Variants in EIF4E2 observed in about 807,000 individuals in gnomAD.
EIF4E2 encodes eukaryotic translation initiation factor 4E family member 2.
In EIF4E2, 13 loss-of-function variants were observed where a neutral mutation model predicts 34.2. The observed-to-expected ratio is 0.38, with a 90% confidence interval of 0.25 to 0.60. EIF4E2 has a LOEUF of 0.60. Among genes scored for constraint, EIF4E2 ranks in the 20% least tolerant of loss-of-function variants. The pLI, the probability that EIF4E2 is intolerant of heterozygous loss-of-function variation, is 0.62. For synonymous variants in EIF4E2, 100 were observed against 106.6 expected (o/e 0.94, Z 0.38); for missense variants, 222 against 315.1 (o/e 0.70, Z 2.24).
chr2:232,574,096 G>A (rs770680466), downstream of EIF4E2: 16 of 757,100 alleles, frequency 2.1e-5, no homozygotes, highest in Admixed American at 6.0e-5. Flanking sequence ...TCTGCTCCTC[G>A]GAAAGGAAAG....
Position 232,552,860 on chromosome 2 carries a change from G to GC in EIF4E2, c.20+2120dup, listed in dbSNP as rs1415881673. 2.0e-5 allele frequency among the ~76,000 whole-genome samples: 3 copies of GC among 152,064 alleles called. No homozygotes were observed. In the South Asian group the frequency reaches 6.2e-4, roughly 32 times the overall value. ...ATTAGCAGTTGAAAACAGCACTCCT[G>GC]CCCCTAGTTTTATTTTTTTATGTTG... On this transcript the variant is annotated intron_variant, in intron 1 of 6. Coordinates refer to ENST00000258416, the MANE Select transcript of EIF4E2 (RefSeq NM_004846.4).
intron 3 of EIF4E2, among the ~76,000 whole-genome samples, chr2:232,561,728 G>C (rs1484478482): frequency 6.6e-6 from 1 of 152,172 alleles, no homozygotes; most frequent in Admixed American, 6.5e-5. Context: ...CACTAGACTT[G>C]GTAATCAGAG....
At chr2:232,576,793 G>A (rs1217969121) in intron 6 of EIF4E2, among the ~76,000 whole-genome samples, 1 of 152,172 alleles carries the variant, frequency 6.6e-6, no homozygotes, top group Non-Finnish European at 1.5e-5. Flanking sequence ...TGTTGGGTCT[G>A]CCATTTTAGA....
chr2:232,568,765 T>C (rs1208704482), intron 6 of EIF4E2, 180 bp from the exon 7 acceptor site: 2 of 985,338 alleles, frequency 2.0e-6, no homozygotes, highest in African/African-American at 3.5e-5. Flanking sequence ...CTTTTTGCCT[T>C]AGTCTGCTAG....
At chr2:232,551,208 G>A (rs1390808249) in intron 1 of EIF4E2, 1 of 481,714 alleles carries the variant, frequency 2.1e-6, no homozygotes, top group East Asian at 6.7e-5. Flanking sequence ...GAGTTTGGAG[G>A]ATGCAATGAG....
chr2:232,574,836 C>G (rs919001700), intron 6 of EIF4E2, among the ~76,000 whole-genome samples: 1 of 152,186 alleles, frequency 6.6e-6, no homozygotes, highest in Non-Finnish European at 1.5e-5. Flanking sequence ...GGCTGGATTT[C>G]AGGACTGTGT....
exon 7 of EIF4E2, chr2:232,580,987 T>A: frequency 2.6e-6 from 4 of 1,537,374 alleles, no homozygotes; most frequent in Non-Finnish European, 3.5e-6. Flanking sequence ...TGTGTGTGTT[T>A]GTCCGAAATG....
chr2:232,556,618 T>C (rs919233268), intron 2 of EIF4E2, 88 bp downstream of exon 2: 2 of 911,146 alleles, frequency 2.2e-6, no homozygotes, highest in Admixed American at 4.3e-5. Context: ...GATACCAGAT[T>C]AACTTGATGG....
downstream of EIF4E2, chr2:232,574,160 G>A (rs1310129587): frequency 8.3e-7 from 1 of 1,203,678 alleles, no homozygotes; most frequent in African/African-American, 1.5e-5. Context: ...CACTCGGCTT[G>A]GAGGGCATCT....
intron 1 of EIF4E2, among the ~76,000 whole-genome samples, chr2:232,555,615 G>A (rs571564427): frequency 1.1e-4 from 17 of 152,262 alleles, no homozygotes; most frequent in African/African-American, 3.9e-4. Flanking sequence ...TGGAGATACC[G>A]AGATGAAATA....
intron 6 of EIF4E2, chr2:232,574,397 C>G (rs527390234): frequency 4.6e-6 from 7 of 1,516,568 alleles, no homozygotes; most frequent in Middle Eastern, 1.7e-4. Flanking sequence ...ATCCATAGGA[C>G]CCCTCTTCCC....
downstream of EIF4E2, among the ~76,000 whole-genome samples, chr2:232,570,828 C>T (rs893716274): frequency 2.6e-5 from 4 of 152,038 alleles, no homozygotes; most frequent in Non-Finnish European, 4.4e-5. Flanking sequence ...CTCAGCTGCT[C>T]GGGGAGGCTG....
intron 1 of EIF4E2, among the ~76,000 whole-genome samples, chr2:232,552,187 C>T (rs1252856291): frequency 2.6e-5 from 4 of 152,108 alleles, no homozygotes; most frequent in Non-Finnish European, 5.9e-5. Flanking sequence ...TGGACTTCCA[C>T]AGGGATCTTG....
At chr2:232,556,810 A>G (rs1692540761) in intron 2 of EIF4E2, among the ~76,000 whole-genome samples, 1 of 152,246 alleles carries the variant, frequency 6.6e-6, no homozygotes, top group African/African-American at 2.4e-5. Context: ...TAGCTGCTTC[A>G]TAAGCCACTG....
At chr2:232,576,060 T>A (rs193038299) in intron 6 of EIF4E2, among the ~76,000 whole-genome samples, 1 of 151,990 alleles carries the variant, frequency 6.6e-6, no homozygotes, top group Admixed American at 6.6e-5. Flanking sequence ...AAAAATTAGC[T>A]GGGCGTGGTG....
chr2:232,570,121 T>C (rs372640242), downstream of EIF4E2, among the ~76,000 whole-genome samples: 41 of 152,268 alleles, frequency 2.7e-4, no homozygotes, highest in East Asian at 1.5e-3. Context: ...TAAGGTTGAG[T>C]TTTCCAGAGT....
intron 1 of EIF4E2, chr2:232,551,093 C>T: frequency 1.6e-6 from 1 of 614,312 alleles, no homozygotes; most frequent in Non-Finnish European, 3.1e-6. Context: ...TTTCCGCAGT[C>T]TGGCAGCGCT....
In EIF4E2 at chr2:232,552,481, A is replaced by G. The variant is rs138894879; in HGVS notation, c.20+1737A>G. 5.9e-3 allele frequency among the ~76,000 whole-genome samples: 896 copies of G among 152,282 alleles called. 8 individuals carry two copies. The highest frequency in any genetic ancestry group is 0.021 in the African/African-American group (854 of 41,562). ...CCACCTTGCCTCCTAAAGTGCTGGGATTACAGGCATGAGCCACCACCCCCA... is the reference window on the plus strand; with the variant it reads ...CCACCTTGCCTCCTAAAGTGCTGGGGTTACAGGCATGAGCCACCACCCCCA... On this transcript the variant is annotated intron_variant, in intron 1 of 6. Transcript: ENST00000258416.
exon 7 of EIF4E2, chr2:232,582,919 A>C (rs1295456042): frequency 6.6e-6 from 1 of 152,212 alleles, no homozygotes; most frequent in African/African-American, 2.4e-5. Context: ...CATCAAAAAC[A>C]TACTGGCCCT....
Sources: gnomAD v4.1 joint callset for allele counts (sites outside exome capture counted in the v4.1 genomes callset) on GRCh38, gnomAD v4.1.1 for gene constraint, MANE v1.5 for transcripts, NCBI Gene and HGNC (gene_info 2026-07-23, HGNC 2026-07-21) for gene names.